Variants in TECTB observed in about 807,000 individuals in gnomAD.
TECTB encodes beta-tectorin.
TECTB carries 45 observed loss-of-function variants against 43.3 expected under a neutral mutation model. That is an observed-to-expected ratio of 1.04 (90% CI 0.82 to 1.33). The LOEUF is 1.33. TECTB is among the 40% of genes most tolerant of loss of function. The pLI, the probability that TECTB is intolerant of heterozygous loss-of-function variation, is 0.00. For missense variants in TECTB, 399 were observed against 404.7 expected (o/e 0.99, Z 0.12); for synonymous variants, 169 against 156.7 (o/e 1.08, Z -0.59).
At chr10:112,299,750 T>C (rs1589642308) in intron 9 of TECTB, 186 bp downstream of exon 9, 3 of 599,244 alleles carry the variant, frequency 5.0e-6, no homozygotes, top group East Asian at 2.8e-5. Flanking sequence ...AACGAAGGAG[T>C]TGAGGTTTGT....
At chr10:112,284,783 T>G (rs1848441071) in intron 3 of TECTB, 58 bp downstream of exon 3, 1 of 1,360,378 alleles carries the variant, frequency 7.4e-7, no homozygotes, top group African/African-American at 1.5e-5. Flanking sequence ...GACCCAAGAA[T>G]GAGATGTCTG....
intron 5 of TECTB, among the ~76,000 whole-genome samples, chr10:112,292,278 A>C (rs1293864135): frequency 1.3e-5 from 2 of 152,152 alleles, no homozygotes; most frequent in African/African-American, 4.8e-5. Flanking sequence ...TGTTATTCCT[A>C]ACAGCTCACC....
chr10:112,292,729 C>T (rs1232010436), intron 5 of TECTB, among the ~76,000 whole-genome samples: 1 of 152,158 alleles, frequency 6.6e-6, no homozygotes, highest in Non-Finnish European at 1.5e-5. Flanking sequence ...CAAGTGTGAG[C>T]CACAGCGCCC....
At chr10:112,294,915 A>C (rs1304262461) in intron 7 of TECTB, among the ~76,000 whole-genome samples, 4 of 152,216 alleles carry the variant, frequency 2.6e-5, no homozygotes, top group South Asian at 2.1e-4. Flanking sequence ...TGTGTTCTTA[A>C]ATCTGTGGAC....
chr10:112,285,926 G>C, intron 3 of TECTB, 145 bp from the exon 4 acceptor site: 2 of 1,017,112 alleles, frequency 2.0e-6, no homozygotes, highest in Non-Finnish European at 2.9e-6. Flanking sequence ...CCGCAGACAA[G>C]AAGAGTGGAT....
chr10:112,301,979 GGGATTACAAGTGTGA>G, intron 9 of TECTB, 107 bp from the exon 10 acceptor site: 1 of 1,184,994 alleles, frequency 8.4e-7, no homozygotes, highest in South Asian at 1.5e-5. Flanking sequence ...CCAAAGTGCT[GGGATTACAAGTGTGA>G]GCCGCAGCCC....
At chr10:112,284,779 A>G in intron 3 of TECTB, 54 bp downstream of exon 3, 1 of 1,376,604 alleles carries the variant, frequency 7.3e-7, no homozygotes, top group Non-Finnish European at 9.6e-7. Flanking sequence ...ACTGGACCCA[A>G]GAATGAGATG....
rs746189488 is a variant in TECTB at position 112,286,220 on chromosome 10, T to A, written c.410+7T>A. On this transcript the variant is annotated splice_region_variant and intron_variant, in intron 4 of 10. Coordinates refer to ENST00000646139, the MANE Select transcript of TECTB (RefSeq NM_058222.3). ...AGGCTGCCTTTGACCAGAGGTAAGT[T>A]GCTGTGCGGCATGGAGGGCTGGCTG... is the stretch of plus-strand genomic sequence containing the variant. 8 of 1,614,056 alleles carry A rather than the reference T, an allele frequency of 5.0e-6. No individual in the cohort carries two copies. In the African/African-American group the frequency reaches 1.1e-4, roughly 22 times the overall value.
In TECTB at chr10:112,289,959, T is replaced by C. The variant is rs538726485; in HGVS notation, c.483+3568T>C. ...CTCATCCTTAACTTGTGACACTGGCTAGTTGTGACTCAACCGTTCACAACT... is the reference window on the plus strand; with the variant it reads ...CTCATCCTTAACTTGTGACACTGGCCAGTTGTGACTCAACCGTTCACAACT... On this transcript the variant is annotated intron_variant, in intron 5 of 10. Coordinates refer to ENST00000646139, the MANE Select transcript of TECTB (RefSeq NM_058222.3). 4.6e-5 allele frequency among the ~76,000 whole-genome samples: 7 copies of C among 152,322 alleles called. No individual in the cohort carries two copies. The East Asian group carries it at 7.7e-4, about 17-fold the overall frequency.
At chr10:112,286,034 AAC>A in intron 3 of TECTB, 35 bp from the exon 4 acceptor site, 1 of 1,611,628 alleles carries the variant, frequency 6.2e-7, no homozygotes. Flanking sequence ...ATCGCGGGGA[AAC>A]AGATTCATCC....
chr10:112,297,988 G>A lies in TECTB; in HGVS notation c.672-81G>A, dbSNP rs75080472. ...TAGAGGTCATATAACCACCTCGGGA[G>A]CCTTGTGTGTAAATCGCTCAGCAGC... is the stretch of plus-strand genomic sequence containing the variant. On this transcript the variant is annotated intron_variant, in intron 7 of 10. Transcript: ENST00000646139. 4.9e-3 allele frequency: 7,823 copies of A among 1,592,540 alleles called. 323 individuals are homozygous for A. The African/African-American group carries it at 0.092, about 19-fold the overall frequency.
intron 9 of TECTB, among the ~76,000 whole-genome samples, chr10:112,299,901 G>A (rs1231392118): frequency 2.0e-5 from 3 of 152,026 alleles, no homozygotes; most frequent in Admixed American, 6.6e-5. Context: ...GGTGGCTCAC[G>A]CCTGTAATCC....
chr10:112,294,208 C>A, intron 7 of TECTB, 147 bp downstream of exon 7: 1 of 690,168 alleles, frequency 1.4e-6, no homozygotes, highest in South Asian at 1.8e-5. Flanking sequence ...AGGCAAAGAA[C>A]AAATACTAAG....
chr10:112,298,280 A>G, intron 8 of TECTB, 49 bp downstream of exon 8: 1 of 1,575,688 alleles, frequency 6.3e-7, no homozygotes, highest in South Asian at 1.2e-5. Flanking sequence ...GGGTGCCAGT[A>G]TTGGAGGAGC....
At chr10:112,293,636 G>C in intron 5 of TECTB, 102 bp from the exon 6 acceptor site, 1 of 992,794 alleles carries the variant, frequency 1.0e-6, no homozygotes, top group Admixed American at 1.9e-5. Context: ...TATGTCTTTG[G>C]GTTGATTCTC....
intron 8 of TECTB, 117 bp from the exon 9 acceptor site, chr10:112,299,375 T>C: frequency 4.3e-6 from 4 of 929,166 alleles, no homozygotes; most frequent in Non-Finnish European, 5.0e-6. Context: ...TGGGGAATTG[T>C]GACTCCACCC....
intron 9 of TECTB, among the ~76,000 whole-genome samples, chr10:112,299,849 G>C (rs988426723): frequency 6.6e-6 from 1 of 151,920 alleles, no homozygotes; most frequent in Non-Finnish European, 1.5e-5. Flanking sequence ...AGCATGCAGT[G>C]AACAATAATA....
At chr10:112,288,591 AT>A (rs1483431968) in intron 5 of TECTB, among the ~76,000 whole-genome samples, 3 of 151,898 alleles carry the variant, frequency 2.0e-5, no homozygotes, top group Admixed American at 1.3e-4. Context: ...TGTGGTTGGT[AT>A]TTTTTTCTCC....
At chr10:112,284,848 C>T (rs1848441430) in intron 3 of TECTB, 123 bp downstream of exon 3, 2 of 818,734 alleles carry the variant, frequency 2.4e-6, no homozygotes, top group Non-Finnish European at 3.5e-6. Flanking sequence ...AAGGTCAGTC[C>T]TGATTCCCAA....
Sources: gnomAD v4.1 joint callset for allele counts (sites outside exome capture counted in the v4.1 genomes callset) on GRCh38, gnomAD v4.1.1 for gene constraint, MANE v1.5 for transcripts, NCBI Gene and HGNC (gene_info 2026-07-23, HGNC 2026-07-21) for gene names.